ADCY2: variants seen among roughly 807,000 people sequenced by gnomAD.
ADCY2 encodes adenylate cyclase type 2.
In ADCY2, 31 loss-of-function variants were observed where a neutral mutation model predicts 125.2. That is an observed-to-expected ratio of 0.25 (90% confidence interval 0.19 to 0.33). ADCY2 has a LOEUF of 0.33. ADCY2 is among the 10% of genes least tolerant of loss of function. The pLI, the probability that ADCY2 is intolerant of heterozygous loss-of-function variation, is 1.00. For missense variants in ADCY2, 904 were observed against 1,418.2 expected, an observed-to-expected ratio of 0.64 and a Z score of 5.82; for synonymous variants, 512 against 548.4, an observed-to-expected ratio of 0.93 and a Z score of 0.93.
chr5:7,398,145 G>A (rs766255000), intron 1 of ADCY2, among the ~76,000 whole-genome samples: 1 of 152,182 alleles, frequency 6.6e-6, no homozygotes, highest in Non-Finnish European at 1.5e-5. Context: ...ATTCAAACCT[G>A]CTCTGGCTTG....
intron 23 of ADCY2, among the ~76,000 whole-genome samples, chr5:7,819,447 C>A (rs932346555): frequency 6.6e-6 from 1 of 152,188 alleles, no homozygotes; most frequent in Admixed American, 6.5e-5. Flanking sequence ...TTTTCCTGGT[C>A]TAGACTTCAG....
intron 24 of ADCY2, 95 bp from the exon 25 acceptor site, chr5:7,826,624 A>G: frequency 1.5e-5 from 23 of 1,529,694 alleles, no homozygotes; most frequent in Non-Finnish European, 2.1e-5. Context: ...TGGGTCAAAG[A>G]GCATGGTGCT....
intron 18 of ADCY2, among the ~76,000 whole-genome samples, chr5:7,780,190 T>C (rs1045407771): frequency 2.0e-5 from 3 of 152,226 alleles, no homozygotes; most frequent in Non-Finnish European, 4.4e-5. Flanking sequence ...TATTTTGCCT[T>C]ATGCATCTTA....
At chr5:7,649,624 A>T (rs111945595) in intron 4 of ADCY2, among the ~76,000 whole-genome samples, 9 of 152,302 alleles carry the variant, frequency 5.9e-5, no homozygotes, top group African/African-American at 2.2e-4. Context: ...TTAGGTCTCC[A>T]GTCTGTTCTC....
chr5:7,821,945 G>A (rs1745315228), intron 24 of ADCY2, among the ~76,000 whole-genome samples: 1 of 152,198 alleles, frequency 6.6e-6, no homozygotes. Flanking sequence ...CCCGGTGAAG[G>A]AAGGAGATTG....
intron 24 of ADCY2, among the ~76,000 whole-genome samples, chr5:7,821,480 G>A (rs371956380): frequency 1.3e-5 from 2 of 152,148 alleles, no homozygotes; most frequent in Non-Finnish European, 2.9e-5. Flanking sequence ...GGGAGGCTAC[G>A]AAGATGGCAG....
intron 2 of ADCY2, among the ~76,000 whole-genome samples, chr5:7,445,584 A>G (rs1022828789): frequency 2.6e-5 from 4 of 152,330 alleles, no homozygotes; most frequent in African/African-American, 9.6e-5. Flanking sequence ...AGAAGTGGTG[A>G]CTTTGTGATC....
chr5:7,810,740 G>A (rs904184269), intron 22 of ADCY2, among the ~76,000 whole-genome samples: 14 of 152,110 alleles, frequency 9.2e-5, no homozygotes, highest in Non-Finnish European at 1.5e-4. Context: ...GAGCATAGAA[G>A]CAACTGTTCA....
In ADCY2 at chr5:7,704,259, G is replaced by C. The variant is rs374688652; in HGVS notation, c.1110-2485G>C. 1.8e-4 allele frequency among the ~76,000 whole-genome samples: 28 copies of C among 152,248 alleles called. No homozygotes were observed. In the East Asian group the frequency reaches 5.0e-3, roughly 27 times the overall value. On this transcript the variant is annotated intron_variant, in intron 7 of 24. Transcript: ENST00000338316. ...CAGATGGTCTCAGTGTCAGGAACCA[G>C]CAGCATGAGTCCCAGACAGCTGCCT...
At chr5:7,417,315 A>G (rs886264617) in intron 2 of ADCY2, among the ~76,000 whole-genome samples, 6 of 152,162 alleles carry the variant, frequency 3.9e-5, no homozygotes, top group African/African-American at 1.2e-4. Flanking sequence ...ATATAAGAAT[A>G]CTATTGTTTT....
At chr5:7,803,889 G>A (rs2126523362) in intron 21 of ADCY2, among the ~76,000 whole-genome samples, 1 of 151,018 alleles carries the variant, frequency 6.6e-6, no homozygotes, top group Admixed American at 6.6e-5. Context: ...GACAGAGCAA[G>A]ACTCTGTCTC....
chr5:7,700,719 C>CCACA (rs56197160), intron 7 of ADCY2, among the ~76,000 whole-genome samples: 7,232 of 98,156 alleles, frequency 0.074, 409 homozygotes, highest in Admixed American at 0.2. Flanking sequence ...CTCGCACCCA[C>CCACA]CACACACACA....
At chr5:7,430,341 A>C (rs1740541481) in intron 2 of ADCY2, among the ~76,000 whole-genome samples, 1 of 151,930 alleles carries the variant, frequency 6.6e-6, no homozygotes, top group Non-Finnish European at 1.5e-5. Flanking sequence ...AGCATTTCCC[A>C]ACTCATGTCA....
chr5:7,707,025 TACTC>T, intron 8 of ADCY2, 123 bp downstream of exon 8: 1 of 1,287,148 alleles, frequency 7.8e-7, no homozygotes, highest in Non-Finnish European at 1.1e-6. Flanking sequence ...GGTATCATGT[TACTC>T]ACGCCCAACG....
At chr5:7,520,116 G>A (rs539577157) in intron 2 of ADCY2, among the ~76,000 whole-genome samples, 11 of 152,272 alleles carry the variant, frequency 7.2e-5, no homozygotes, top group Admixed American at 6.5e-5. Context: ...TATGAAATGG[G>A]TGTACATTTA....
intron 2 of ADCY2, among the ~76,000 whole-genome samples, chr5:7,458,864 G>A (rs1741806426): frequency 6.6e-6 from 1 of 152,166 alleles, no homozygotes; most frequent in South Asian, 2.1e-4. Flanking sequence ...TGAAGTAATG[G>A]CACGTCACAC....
intron 14 of ADCY2, among the ~76,000 whole-genome samples, chr5:7,735,131 A>G (rs1046953558): frequency 1.3e-5 from 2 of 152,222 alleles, no homozygotes; most frequent in African/African-American, 4.8e-5. Context: ...AGAGAGGTCC[A>G]TCTGAACATA....
intron 18 of ADCY2, among the ~76,000 whole-genome samples, chr5:7,783,006 AG>A (rs141844267): frequency 0.017 from 2,628 of 152,268 alleles, 45 homozygotes; most frequent in Non-Finnish European, 0.024. Context: ...CAGCTGCGGC[AG>A]GTTTGGTGGG....
intron 3 of ADCY2, among the ~76,000 whole-genome samples, chr5:7,552,178 G>C (rs147324073): frequency 2.4e-3 from 364 of 152,194 alleles, no homozygotes; most frequent in African/African-American, 8.5e-3. Flanking sequence ...GTATAGAAAG[G>C]GTTCTTTCAT....
Sources: gnomAD v4.1 joint callset for allele counts (sites outside exome capture counted in the v4.1 genomes callset) on GRCh38, gnomAD v4.1.1 for gene constraint, MANE v1.5 for transcripts, NCBI Gene and HGNC (gene_info 2026-07-23, HGNC 2026-07-21) for gene names.